The following WWOX variants were observed in gnomAD, a reference collection of about 807,000 sequenced individuals.
WWOX encodes the protein WW domain containing oxidoreductase, also known as WW domain-containing oxidoreductase.
Under a neutral mutation model 46.2 loss-of-function variants are expected in WWOX, and 69 were observed. The observed-to-expected ratio is 1.49, with a 90% CI of 1.23 to 1.82. The LOEUF (loss-of-function observed/expected upper bound fraction) is 1.82. WWOX is among the 40% of genes most tolerant of loss of function. WWOX has a pLI of 0.00. For missense variants in WWOX, 919 were observed against 542.6 expected (o/e 1.69, Z -6.89); for synonymous variants, 359 against 202.6 (o/e 1.77, Z -6.56).
intron 4 of WWOX, among the ~76,000 whole-genome samples, chr16:78,124,497 G>C (rs1249159611): frequency 6.6e-6 from 1 of 152,142 alleles, no homozygotes; most frequent in Non-Finnish European, 1.5e-5. Flanking sequence ...TAAGGTTGGG[G>C]TCACTAGGAG....
At chr16:78,694,236 G>T (rs1482725398) in intron 8 of WWOX, among the ~76,000 whole-genome samples, 1 of 152,092 alleles carries the variant, frequency 6.6e-6, no homozygotes, top group Non-Finnish European at 1.5e-5. Context: ...AAATAAAATG[G>T]ATTTAGAAAT....
chr16:79,145,260 G>A (rs185487090), intron 8 of WWOX, among the ~76,000 whole-genome samples: 14 of 152,252 alleles, frequency 9.2e-5, no homozygotes, highest in Non-Finnish European at 1.8e-4. Flanking sequence ...AAAAGCATTT[G>A]CTCAAATTCA....
chr16:78,828,063 C>G (rs79327822), intron 8 of WWOX, among the ~76,000 whole-genome samples: 23,074 of 152,130 alleles, frequency 0.15, 1,833 homozygotes, highest in Admixed American at 0.2. Context: ...ACTGGGAGCC[C>G]TGGTGTGTCT....
intron 4 of WWOX, chr16:78,130,258 G>A (rs2033536259): frequency 6.6e-6 from 1 of 152,188 alleles, no homozygotes; most frequent in South Asian, 2.1e-4. Flanking sequence ...AGATCATGAG[G>A]GTGGAGCCCT....
chr16:78,649,350 C>T (rs1027637347), intron 8 of WWOX, among the ~76,000 whole-genome samples: 4 of 152,066 alleles, frequency 2.6e-5, no homozygotes, highest in Admixed American at 2.6e-4. Flanking sequence ...GTGGTGCAAT[C>T]CTAGCTTACT....
At chr16:78,795,872 T>A (rs1012793204) in intron 8 of WWOX, among the ~76,000 whole-genome samples, 1 of 152,142 alleles carries the variant, frequency 6.6e-6, no homozygotes, top group Non-Finnish European at 1.5e-5. Flanking sequence ...GCAATAGATG[T>A]TGGCTTTTAT....
intron 8 of WWOX, among the ~76,000 whole-genome samples, chr16:78,687,320 A>G (rs1417100887): frequency 1.3e-5 from 2 of 152,212 alleles, no homozygotes; most frequent in African/African-American, 2.4e-5. Flanking sequence ...ATCAAATTAC[A>G]TTTTAGATTA....
chr16:78,113,423 C>T (rs954768739), intron 3 of WWOX, among the ~76,000 whole-genome samples: 1 of 152,208 alleles, frequency 6.6e-6, no homozygotes, highest in Non-Finnish European at 1.5e-5. Flanking sequence ...CAGCTATACA[C>T]AATATACAAG....
chr16:78,442,435 T>TATCACCCCCTCC (rs1352543972), intron 8 of WWOX, among the ~76,000 whole-genome samples: 50 of 152,110 alleles, frequency 3.3e-4, no homozygotes, highest in African/African-American at 1.2e-3. Context: ...TCTCCCCATT[T>TATCACCCCCTCC]ATCACCCCCT....
intron 8 of WWOX, among the ~76,000 whole-genome samples, chr16:78,863,062 G>A (rs534286129): frequency 1.3e-5 from 2 of 151,044 alleles, no homozygotes; most frequent in African/African-American, 4.9e-5. Context: ...AGGTTCAAGC[G>A]ATTCTCCTGC....
At chr16:79,013,973 A>G (rs746043060) in intron 8 of WWOX, among the ~76,000 whole-genome samples, 1 of 152,156 alleles carries the variant, frequency 6.6e-6, no homozygotes, top group Non-Finnish European at 1.5e-5. Context: ...GCCGCCTGTA[A>G]GGATTTTTTG....
chr16:78,340,875 T>G (rs2080999957), intron 5 of WWOX, among the ~76,000 whole-genome samples: 1 of 119,240 alleles, frequency 8.4e-6, no homozygotes, highest in Non-Finnish European at 2.0e-5. Flanking sequence ...CTCACCTGTT[T>G]ATGTTCTCTT....
chr16:78,108,583 G>T, intron 2 of WWOX, 96 bp downstream of exon 2: 1 of 1,411,774 alleles, frequency 7.1e-7, no homozygotes, highest in Non-Finnish European at 9.9e-7. Context: ...TGTGTTTAGG[G>T]AGGGCTCTCT....
chr16:78,595,619 C>T (rs2045470840), intron 8 of WWOX, among the ~76,000 whole-genome samples: 1 of 152,186 alleles, frequency 6.6e-6, no homozygotes, highest in African/African-American at 2.4e-5. Context: ...GCCACCTGCC[C>T]CCCAGCTGAC....
chr16:78,988,744 T>G (rs1175382193), intron 8 of WWOX, among the ~76,000 whole-genome samples: 1 of 152,184 alleles, frequency 6.6e-6, no homozygotes, highest in Non-Finnish European at 1.5e-5. Flanking sequence ...AGCTGTCAAG[T>G]TAGTTTCTTC....
intron 8 of WWOX, among the ~76,000 whole-genome samples, chr16:78,721,296 A>G (rs912264174): frequency 8.6e-5 from 13 of 152,006 alleles, no homozygotes; most frequent in African/African-American, 3.1e-4. Flanking sequence ...CCATTATTCT[A>G]TTTCCCCCTT....
chr16:78,611,247 T>A (rs935037934), intron 8 of WWOX, among the ~76,000 whole-genome samples: 2 of 152,178 alleles, frequency 1.3e-5, no homozygotes, highest in African/African-American at 2.4e-5. Context: ...GTGAAAGACA[T>A]CTCCTTCTCA....
rs569249302 is a variant in WWOX, at chr16:79,133,817, G to T, written c.1057-77791G>T. Among the ~76,000 whole-genome samples the T allele has an allele frequency of 3.2e-4, 49 of 152,338 alleles. 1 individual carries two copies. The highest frequency in any genetic ancestry group is 1.1e-3 in the African/African-American group (46 of 41,570). ...GGGGAAATGCAGGATGTAATGAAAT[G>T]ACATTGGTCAATCCTCAGTAAATGT... On this transcript the variant is annotated intron_variant, in intron 8 of 8. Coordinates refer to ENST00000566780, the MANE Select transcript of WWOX (RefSeq NM_016373.4).
chr16:78,282,040 C>A (rs1448003028), intron 5 of WWOX, among the ~76,000 whole-genome samples: 3 of 152,204 alleles, frequency 2.0e-5, no homozygotes, highest in Admixed American at 6.5e-5. Flanking sequence ...GCCCAAAAGC[C>A]ACAGGGAGAA....
Sources: gnomAD v4.1 joint callset for allele counts (sites outside exome capture counted in the v4.1 genomes callset) on GRCh38, gnomAD v4.1.1 for gene constraint, MANE v1.5 for transcripts, NCBI Gene and HGNC (gene_info 2026-07-23, HGNC 2026-07-21) for gene names.